The following COL3A1 variants were observed in gnomAD, a reference collection of about 807,000 sequenced individuals.
The protein encoded by COL3A1 is collagen type III alpha 1 chain.
In COL3A1, 46 loss-of-function variants were observed where a neutral mutation model predicts 200.9. The observed-to-expected ratio is 0.23, with a 90% confidence interval of 0.18 to 0.29. The LOEUF (loss-of-function observed/expected upper bound fraction) is 0.29. Among genes scored for constraint, COL3A1 ranks in the 10% least tolerant of loss-of-function variants. The pLI is 1.00. For synonymous variants in COL3A1, 650 were observed against 628.0 expected (o/e 1.03, Z -0.52); for missense variants, 1,367 against 1,917.6 (o/e 0.71, Z 5.36).
At chr2:189,004,207 G>GAA in intron 39 of COL3A1, 50 bp from the exon 40 acceptor site, 1 of 1,606,228 alleles carries the variant, frequency 6.2e-7, no homozygotes, top group Non-Finnish European at 8.5e-7. Flanking sequence ...ATCGATTAGA[G>GAA]AAAAACACTG....
At chr2:188,998,635 C>T (rs1486791711) in intron 28 of COL3A1, 39 bp from the exon 29 acceptor site, 2 of 1,598,342 alleles carry the variant, frequency 1.3e-6, no homozygotes, top group African/African-American at 1.3e-5. Context: ...ATAAAATGCA[C>T]TCTGATATGG....
intron 1 of COL3A1, among the ~76,000 whole-genome samples, chr2:188,977,074 T>A (rs906659662): frequency 2.6e-5 from 4 of 152,028 alleles, no homozygotes; most frequent in African/African-American, 9.7e-5. Flanking sequence ...ATATTCAGAG[T>A]CTTTTTGGAA....
intron 28 of COL3A1, 90 bp downstream of exon 28, chr2:188,998,409 C>A: frequency 8.6e-7 from 1 of 1,162,756 alleles, no homozygotes; most frequent in Non-Finnish European, 1.3e-6. Flanking sequence ...TTTCTTATGC[C>A]ATGATATTTG....
At chr2:189,010,581 T>C (rs925874826) in intron 49 of COL3A1, 67 bp from the exon 50 acceptor site, 3 of 1,600,886 alleles carry the variant, frequency 1.9e-6, no homozygotes, top group Admixed American at 3.3e-5. Context: ...ATACACATAC[T>C]ACATGAATCC....
chr2:189,005,221 T>C (rs1688559383), intron 40 of COL3A1, 129 bp from the exon 41 acceptor site: 9 of 896,860 alleles, frequency 1.0e-5, no homozygotes, highest in Non-Finnish European at 1.6e-5. Context: ...GCAGGCATAG[T>C]TTTAATTTTA....
At position 188,985,586 on chromosome 2, in the gene COL3A1, G is replaced by A. The variant is rs575172874; in HGVS notation, c.334-79G>A. 5 of 886,116 alleles carry A rather than the reference G, an allele frequency of 5.6e-6. No homozygotes were observed. In the East Asian group the frequency reaches 1.3e-4, roughly 23 times the overall value. 54.9% of individuals were successfully genotyped at this position (886,116 alleles called of 1,614,324 possible). A position where few individuals can be genotyped will look rare whatever the true frequency, so the allele number is the denominator to read the frequency against. ...TTATATTGTTTCCTAATATTATAAA[G>A]TAGAGAAACAACAATCTGATAATGA... On this transcript the variant is annotated intron_variant, in intron 3 of 50. Coordinates refer to ENST00000304636, the MANE Select transcript of COL3A1 (RefSeq NM_000090.4).
rs774425143 is a variant in COL3A1, at chr2:188,994,836, G to A, written c.1455+5G>A. 4 of 1,612,644 alleles carry A rather than the reference G, an allele frequency of 2.5e-6. No individual in the cohort carries two copies. The highest frequency in any genetic ancestry group is 3.4e-6 in the Non-Finnish European group (4 of 1,179,592). On this transcript the variant is annotated splice_donor_5th_base_variant and intron_variant, in intron 20 of 50. Coordinates refer to ENST00000304636, the MANE Select transcript of COL3A1 (RefSeq NM_000090.4). The surrounding 1 kb of genome is among the most constrained non-coding windows in gnomAD (Gnocchi z 4.5). ...CCAGGAGCTGCAGGAGAAAGGGTAC[G>A]TTTTCCATGGGGCATCTAAAAGAAA...
At chr2:188,988,682 T>A in intron 7 of COL3A1, 39 bp downstream of exon 7, 1 of 1,393,618 alleles carries the variant, frequency 7.2e-7, no homozygotes, top group East Asian at 2.3e-5. Flanking sequence ...AAGTCGATAA[T>A]TCCATATGGA....
chr2:188,986,948 C>A (rs1165478513), intron 4 of COL3A1, 111 bp from the exon 5 acceptor site: 1 of 918,824 alleles, frequency 1.1e-6, no homozygotes, highest in African/African-American at 1.6e-5. Flanking sequence ...TCTTTTGGCA[C>A]ACAAAAACCT....
intron 37 of COL3A1, 132 bp from the exon 38 acceptor site, chr2:189,003,602 A>T: frequency 7.5e-7 from 1 of 1,340,998 alleles, no homozygotes; most frequent in South Asian, 1.2e-5. Flanking sequence ...TTATATGTAA[A>T]TTCCAAGGGG....
Position 189,010,225 on chromosome 2 carries a change from A to G in COL3A1, c.3871A>G (p.Lys1291Glu). The G allele has an allele frequency of 6.2e-7, 1 of 1,614,162 alleles. No individual in the cohort carries two copies. Among genetic ancestry groups the G allele is most frequent in the Non-Finnish European group, 8.5e-7 (1 of 1,180,006 alleles). Residue 1291 changes from lysine to glutamate, a missense_variant, in exon 49 of 51, where the codon AAG (lysine) becomes GAG (glutamate). Physicochemically the swap from Lys to Glu is moderately conservative, Grantham distance 56 (BLOSUM62 1). This residue lies in a region of COL3A1 where 846 missense variants were observed against 1,147.9 expected (regional missense o/e 0.74). Transcript: ENST00000304636. ...CCAAGGATGCAAATTGGATGCTATC[A>G]AGGTATTCTGTAATATGGAAACTGG... ...PNQGCKLDAIKVFCNMETGET... is the reference protein window; with the variant it reads ...PNQGCKLDAIEVFCNMETGET...
intron 13 of COL3A1, 93 bp downstream of exon 13, chr2:188,991,815 A>C: frequency 1.6e-6 from 2 of 1,289,540 alleles, no homozygotes; most frequent in Non-Finnish European, 2.3e-6. Flanking sequence ...ATATGTTAGG[A>C]AAAAGACCTT....
At chr2:188,980,431 CAATTCTAA>C (rs1687928978) in intron 1 of COL3A1, among the ~76,000 whole-genome samples, 1 of 18,594 alleles carries the variant, frequency 5.4e-5, no homozygotes, top group Non-Finnish European at 1.2e-4. Context: ...ATCTTTTAGA[CAATTCTAA>C]AAGATTAATC....
intron 21 of COL3A1, among the ~76,000 whole-genome samples, chr2:188,995,342 G>A (rs1410538541): frequency 2.0e-5 from 3 of 152,116 alleles, no homozygotes; most frequent in South Asian, 2.1e-4. Context: ...TCTGAGCATC[G>A]TTGCAAGAGT....
In COL3A1 at chr2:188,991,719, T is replaced by A. The variant is rs1688194214; in HGVS notation, c.948T>A (p.Ala316=). ...GERGRPGLPG[A]AGARGNDGAR... ...GAGGACGGCCAGGACTTCCTGGGGCTGCAGTGAGTATAGCTGCTAACATCA... is the reference window on the plus strand; with the variant it reads ...GAGGACGGCCAGGACTTCCTGGGGCAGCAGTGAGTATAGCTGCTAACATCA... The change falls in exon 13 of 51, where the codon GCT becomes GCA. Residue 316 remains alanine (A), a synonymous_variant. Transcript: ENST00000304636. 1.2e-6 allele frequency: 2 copies of A among 1,613,964 alleles called. No homozygotes were observed. Among genetic ancestry groups the A allele is most frequent in the East Asian group, 4.5e-5 (2 of 44,862 alleles).
chr2:189,011,374 C>T, intron 50 of COL3A1, among the ~76,000 whole-genome samples: 1 of 152,154 alleles, frequency 6.6e-6, no homozygotes, highest in East Asian at 1.9e-4. Flanking sequence ...AACCAGGCCT[C>T]CTGAGGATGC....
In COL3A1 at chr2:188,997,477, C is replaced by T. The variant is rs3134654; in HGVS notation, c.1869+88C>T. On this transcript the variant is annotated intron_variant, in intron 26 of 50. Coordinates refer to ENST00000304636, the MANE Select transcript of COL3A1 (RefSeq NM_000090.4). ...TCAAAAATTACATAATCTCTGACAC[C>T]ATGTTGTTACAGTTTACCAAAGCAA... The T allele has an allele frequency of 1, 1,322,188 of 1,324,688 alleles. 659,881 individuals carry two copies. Among genetic ancestry groups the T allele is most frequent in the East Asian group, 1 (43,372 of 43,372 alleles). 82.1% of individuals were successfully genotyped at this position (1,324,688 alleles called of 1,614,324 possible). A position where few individuals can be genotyped will look rare whatever the true frequency, so the allele number is the denominator to read the frequency against.
In COL3A1 at chr2:188,994,193, A is replaced by G; in HGVS notation, c.1195-41A>G. Reference sequence around the variant, plus strand: ...TTAAGTGAGATATTCATAAAAGAACATTCAAGTTCGGCTAATATAGTGTCT... The same window carrying G: ...TTAAGTGAGATATTCATAAAAGAACGTTCAAGTTCGGCTAATATAGTGTCT... On this transcript the variant is annotated intron_variant, in intron 17 of 50. Coordinates refer to ENST00000304636, the MANE Select transcript of COL3A1 (RefSeq NM_000090.4). The surrounding 1 kb of genome is among the most constrained non-coding windows in gnomAD (Gnocchi z 4.5). 1 of 1,612,740 alleles carries G rather than the reference A, an allele frequency of 6.2e-7. No homozygotes were observed. The highest frequency in any genetic ancestry group is 8.5e-7 in the Non-Finnish European group (1 of 1,178,702).
intron 21 of COL3A1, 97 bp downstream of exon 21, chr2:188,995,196 G>T: frequency 8.4e-7 from 1 of 1,189,528 alleles, no homozygotes; most frequent in Non-Finnish European, 1.2e-6. Context: ...AATATCTGAA[G>T]AATATATATT....
Sources: allele counts gnomAD v4.1 joint callset (sites outside exome capture counted in the v4.1 genomes callset), GRCh38; gene constraint gnomAD v4.1.1; regional missense constraint gnomAD v4.1.1; non-coding constraint Gnocchi (gnomAD v3.1); transcripts MANE v1.5; gene names NCBI Gene and HGNC (gene_info 2026-07-23, HGNC 2026-07-21).